The following USO1 variants were observed in gnomAD, a reference collection of about 807,000 sequenced individuals.
The protein encoded by USO1 is USO1 vesicle transport factor.
In USO1, 57 loss-of-function variants were observed where a neutral mutation model predicts 124.5. That is an observed-to-expected ratio of 0.46 (90% CI 0.37 to 0.57). The LOEUF (loss-of-function observed/expected upper bound fraction) is 0.57, where lower values mean the gene tolerates loss of function less well. Among genes scored for constraint, USO1 ranks in the 20% least tolerant of loss-of-function variants. The pLI is 0.00. For synonymous variants in USO1, 369 were observed against 362.8 expected (o/e 1.02, Z -0.19); for missense variants, 900 against 1,040.6 (o/e 0.86, Z 1.86).
chr4:75,770,206 T>C, intron 4 of USO1: 1 of 279,176 alleles, frequency 3.6e-6, no homozygotes, highest in South Asian at 8.1e-5. Context: ...TTAAGTATCC[T>C]TTTTTTAGAT....
intron 1 of USO1, among the ~76,000 whole-genome samples, chr4:75,751,762 G>A (rs999499561): frequency 6.6e-6 from 1 of 151,538 alleles, no homozygotes; most frequent in Non-Finnish European, 1.5e-5. Flanking sequence ...AACCCAGGAG[G>A]CGGAGGTTGC....
At chr4:75,727,717 T>A (rs574998993) in intron 1 of USO1, among the ~76,000 whole-genome samples, 2 of 152,304 alleles carry the variant, frequency 1.3e-5, no homozygotes, top group African/African-American at 4.8e-5. Flanking sequence ...TTTTTTCCAT[T>A]TCTGCAAAAT....
rs755310052 is a variant in USO1, at chr4:75,813,925, C to G, written c.*630C>G. The G allele has an allele frequency of 2.0e-5, 3 of 152,154 alleles. No homozygotes were observed. The highest frequency in any genetic ancestry group is 2.0e-4 in the Admixed American group (3 of 15,270). The allele number at this position is 152,154 out of a possible 1,614,324, so 9.4% of individuals were successfully genotyped here. A position where few individuals can be genotyped will look rare whatever the true frequency, so the allele number is the denominator to read the frequency against. On this transcript the variant is annotated 3_prime_UTR_variant, in exon 24 of 24. Coordinates refer to ENST00000514213, the MANE Select transcript of USO1 (RefSeq NM_003715.4). ...ACACACAGTGATGTGGAGGGCATTC[C>G]GGAGAAACTTTTGCAACAGTGTATT...
intron 1 of USO1, among the ~76,000 whole-genome samples, chr4:75,725,264 G>T (rs1264376285): frequency 6.6e-6 from 1 of 152,188 alleles, no homozygotes; most frequent in Non-Finnish European, 1.5e-5. Context: ...TCGCTCGTCT[G>T]CACTGGCCGA....
chr4:75,747,017 A>G (rs1721144560), intron 1 of USO1, among the ~76,000 whole-genome samples: 1 of 152,224 alleles, frequency 6.6e-6, no homozygotes, highest in Non-Finnish European at 1.5e-5. Context: ...CATAGGTGCC[A>G]GGTATTATAT....
rs1277192398 is a variant in USO1 at position 75,806,540 on chromosome 4, A to G, written c.2344A>G (p.Arg782Gly). The G allele has an allele frequency of 3.8e-6, 6 of 1,560,416 alleles. No individual in the cohort carries two copies. Among genetic ancestry groups the G allele is most frequent in the Non-Finnish European group, 5.2e-6 (6 of 1,151,106 alleles). ...NEQSSAIVSA[R>G]DSEQVAELKQ... is the part of the protein sequence containing the mutation. ...ACAGTCTTCAGCAATAGTTTCAGCTAGAGATTCTGAACAAGTTGCAGAATT... is the reference window on the plus strand; with the variant it reads ...ACAGTCTTCAGCAATAGTTTCAGCTGGAGATTCTGAACAAGTTGCAGAATT... Residue 782 changes from arginine to glycine, a missense_variant, in exon 20 of 24, where the codon AGA becomes GGA. By Grantham distance (125) the Arg-to-Gly change is moderately radical. This residue lies in a region of USO1 where 362 missense variants were observed against 359.0 expected (regional missense o/e 1.01). Transcript: ENST00000514213.
chr4:75,780,876 A>C (rs1412882465), intron 8 of USO1, among the ~76,000 whole-genome samples: 1 of 151,206 alleles, frequency 6.6e-6, no homozygotes, highest in Non-Finnish European at 1.5e-5. Flanking sequence ...TGAACTCCTG[A>C]CCTCAAGTGA....
chr4:75,782,142 C>T (rs555743219), intron 8 of USO1, among the ~76,000 whole-genome samples: 5 of 152,158 alleles, frequency 3.3e-5, no homozygotes, highest in Admixed American at 2.0e-4. Flanking sequence ...AGAGACAAAC[C>T]GACAATGTTA....
intron 1 of USO1, 106 bp downstream of exon 1, chr4:75,724,991 G>A (rs762372989): frequency 3.3e-6 from 4 of 1,220,576 alleles, no homozygotes; most frequent in African/African-American, 1.5e-5. Flanking sequence ...CATGGAGGGG[G>A]CATCCACATG....
intron 1 of USO1, among the ~76,000 whole-genome samples, chr4:75,743,255 G>C (rs1262066541): frequency 6.6e-6 from 1 of 152,154 alleles, no homozygotes; most frequent in Non-Finnish European, 1.5e-5. Flanking sequence ...AAAGTGCTGG[G>C]ATTACAAGCG....
In USO1 at chr4:75,799,648, A is replaced by T. The variant is rs1722785360; in HGVS notation, c.1479A>T (p.Gly493=). The T allele has an allele frequency of 2.5e-6, 4 of 1,613,708 alleles. No individual in the cohort carries two copies. Among genetic ancestry groups the T allele is most frequent in the Non-Finnish European group, 3.4e-6 (4 of 1,179,760 alleles). The change falls in exon 14 of 24, where the codon GGA becomes GGT. Residue 493 remains glycine, a synonymous_variant. Transcript: ENST00000514213. ...SQGSKIQTRV[G]LLMLLCTWLS... is the part of the protein sequence containing the mutation. ...GAAGCAAAATACAAACAAGAGTTGG[A>T]TTATTAATGTTGCTTTGTACCTGGC...
intron 1 of USO1, among the ~76,000 whole-genome samples, chr4:75,744,591 T>C (rs1261101744): frequency 2.6e-5 from 4 of 152,198 alleles, no homozygotes; most frequent in Non-Finnish European, 5.9e-5. Context: ...AGCTCTTTTT[T>C]GTATTTTTAG....
chr4:75,773,805 T>C (rs1298711232), intron 7 of USO1, among the ~76,000 whole-genome samples: 1 of 152,214 alleles, frequency 6.6e-6, no homozygotes, highest in Non-Finnish European at 1.5e-5. Flanking sequence ...ATTTTTTGTC[T>C]TATATGAATA....
intron 13 of USO1, among the ~76,000 whole-genome samples, chr4:75,797,269 T>G (rs2149186701): frequency 6.6e-6 from 1 of 152,232 alleles, no homozygotes; most frequent in South Asian, 2.1e-4. Flanking sequence ...TCTGTTTTTC[T>G]CAGCGAACTG....
In USO1 at chr4:75,788,180, T is replaced by TATTTA. The variant is rs747618322; in HGVS notation, c.996+978_996+979insATTTA. ...ATTTATTTATTTATTTATTTTTTTT[T>TATTTA]TTTTTTGTACAGAGTCTCAGTCTGT... is the stretch of plus-strand genomic sequence containing the variant. On this transcript the variant is annotated intron_variant, in intron 10 of 23. Coordinates refer to ENST00000514213, the MANE Select transcript of USO1 (RefSeq NM_003715.4). Among the ~76,000 whole-genome samples the TATTTA allele has an allele frequency of 1.7e-3, 259 of 148,132 alleles. 1 individual carries two copies. The highest frequency in any genetic ancestry group is 0.01 in the Middle Eastern group (3 of 288).
At chr4:75,734,233 C>T (rs1182668187) in intron 1 of USO1, among the ~76,000 whole-genome samples, 1 of 152,080 alleles carries the variant, frequency 6.6e-6, no homozygotes, top group Non-Finnish European at 1.5e-5. Context: ...CGTAAGCCAC[C>T]ATGCCCAGCC....
chr4:75,748,554 T>C (rs577225398), intron 1 of USO1, among the ~76,000 whole-genome samples: 6 of 152,312 alleles, frequency 3.9e-5, no homozygotes, highest in African/African-American at 1.4e-4. Flanking sequence ...TTTCTGCGTT[T>C]AGCAAGTAAT....
In USO1 at chr4:75,724,802, T is replaced by C; in HGVS notation, c.-18T>C. ...TTTTTTCCGGAGGGGCCGGTAAACC[T>C]GGTGGCTGAACGGCAAGATGAATTT... On this transcript the variant is annotated 5_prime_UTR_variant, in exon 1 of 24. Transcript: ENST00000514213. 1 of 1,613,520 alleles carries C rather than the reference T, an allele frequency of 6.2e-7. No individual in the cohort carries two copies.
intron 4 of USO1, among the ~76,000 whole-genome samples, chr4:75,764,479 C>G (rs1419145356): frequency 6.6e-6 from 1 of 152,098 alleles, no homozygotes; most frequent in Admixed American, 6.5e-5. Context: ...CTGCCATGTA[C>G]CTATTAACAT....
Sources: gnomAD v4.1 joint callset for allele counts (sites outside exome capture counted in the v4.1 genomes callset) on GRCh38, gnomAD v4.1.1 for gene constraint, gnomAD v4.1.1 regional missense constraint, MANE v1.5 for transcripts, NCBI Gene and HGNC (gene_info 2026-07-23, HGNC 2026-07-21) for gene names.